Variants in NAT1 observed in about 807,000 individuals in gnomAD.
NAT1 encodes N-acetyltransferase 1.
For synonymous variants in NAT1, 144 were observed against 122.6 expected, an observed-to-expected ratio of 1.17 and a Z score of -1.16; for missense variants, 400 against 339.2, an observed-to-expected ratio of 1.18 and a Z score of -1.41.
intron 2 of NAT1, among the ~76,000 whole-genome samples, chr8:18,173,198 A>G (rs925228131): frequency 6.6e-6 from 1 of 152,010 alleles, no homozygotes; most frequent in Non-Finnish European, 1.5e-5. Context: ...TGCACAGCAC[A>G]GGATATGAGC....
intron 2 of NAT1, among the ~76,000 whole-genome samples, chr8:18,171,126 C>T (rs1159301867): frequency 1.3e-5 from 2 of 152,082 alleles, no homozygotes; most frequent in Non-Finnish European, 2.9e-5. Flanking sequence ...GAAACAGGAC[C>T]CAGTCCTACA....
chr8:18,202,724 T>C (rs1187501326), intron 2 of NAT1, among the ~76,000 whole-genome samples: 1 of 152,172 alleles, frequency 6.6e-6, no homozygotes, highest in Non-Finnish European at 1.5e-5. Flanking sequence ...CGGCAGACCC[T>C]GGCGGTGAGT....
chr8:18,188,576 T>C lies in NAT1; in HGVS notation n.92+17837T>C, dbSNP rs561033537. ...GGCATGTGGCATTTGATTATACATA[T>C]CTTTATTTTTGTGTATGTTTGAATT... On this transcript the variant is annotated intron_variant and non_coding_transcript_variant, in intron 2 of 4. Coordinates refer to the NAT1 transcript ENST00000517441. Among the ~76,000 whole-genome samples the C allele has an allele frequency of 7.4e-4, 113 of 152,276 alleles. 1 individual carries two copies. In the South Asian group the frequency reaches 0.022, roughly 30 times the overall value.
upstream of NAT1, among the ~76,000 whole-genome samples, chr8:18,207,544 T>C (rs1047806980): frequency 2.0e-5 from 3 of 152,194 alleles, no homozygotes; most frequent in African/African-American, 7.2e-5. Flanking sequence ...ATTAGAGAAA[T>C]GCAAGTCAAA....
upstream of NAT1, among the ~76,000 whole-genome samples, chr8:18,206,027 A>T (rs1484079504): frequency 1.3e-5 from 2 of 152,208 alleles, no homozygotes; most frequent in Non-Finnish European, 2.9e-5. Flanking sequence ...GCTCTGCTAC[A>T]GATGCTCCAG....
intron 2 of NAT1, among the ~76,000 whole-genome samples, chr8:18,185,193 G>C (rs1363164204): frequency 6.6e-6 from 1 of 152,124 alleles, no homozygotes; most frequent in East Asian, 1.9e-4. Context: ...GTTAGGGGAA[G>C]AGTTCTTATT....
At chr8:18,174,867 T>C (rs1004346365) in intron 2 of NAT1, among the ~76,000 whole-genome samples, 5 of 152,102 alleles carry the variant, frequency 3.3e-5, no homozygotes, top group African/African-American at 1.2e-4. Context: ...CTCATGCTTA[T>C]ATAGCACTAA....
chr8:18,177,514 T>C (rs1802336512), intron 2 of NAT1, among the ~76,000 whole-genome samples: 1 of 152,136 alleles, frequency 6.6e-6, no homozygotes, highest in Non-Finnish European at 1.5e-5. Flanking sequence ...TCATTTGGTG[T>C]CACTGTCATT....
In NAT1 at chr8:18,222,219, C is replaced by A. The variant is rs1805379443; in HGVS notation, c.172C>A (p.Gln58Lys). ...CTTAGGCTTAGAGGCCATTTTTGAT[C>A]AAGTTGTGAGAAGAAATCGGGGTGG... is the stretch of plus-strand genomic sequence containing the variant. ...MDLGLEAIFD[Q>K]VVRRNRGGWC... Residue 58 changes from glutamine to lysine, a missense_variant, in exon 3 of 3, where the codon CAA becomes AAA. Gln to Lys is a moderately conservative substitution (Grantham distance 53). Coordinates refer to ENST00000307719, the MANE Select transcript of NAT1 (RefSeq NM_000662.8). The A allele has an allele frequency of 1.2e-6, 2 of 1,614,078 alleles. No individual in the cohort carries two copies. The highest frequency in any genetic ancestry group is 1.7e-6 in the Non-Finnish European group (2 of 1,180,004).
chr8:18,175,025 G>A (rs1342918062), intron 2 of NAT1, among the ~76,000 whole-genome samples: 3 of 151,116 alleles, frequency 2.0e-5, no homozygotes, highest in Non-Finnish European at 2.9e-5. Flanking sequence ...CAATATTTCT[G>A]TATCATATTC....
intron 1 of NAT1, among the ~76,000 whole-genome samples, chr8:18,213,067 G>T: frequency 3.8e-5 from 2 of 52,346 alleles, no homozygotes; most frequent in Admixed American, 3.5e-4. Context: ...ACCACACCTC[G>T]CTTTTTTTTT....
At chr8:18,182,797 G>C (rs1390287562) in intron 2 of NAT1, among the ~76,000 whole-genome samples, 1 of 151,886 alleles carries the variant, frequency 6.6e-6, no homozygotes, top group Non-Finnish European at 1.5e-5. Context: ...ATTTAGATGG[G>C]GATTTCATTG....
rs184664646 is a variant in NAT1, at chr8:18,204,829, G to A, written n.93-4952G>A. 2.1e-3 allele frequency among the ~76,000 whole-genome samples: 316 copies of A among 152,338 alleles called. 1 individual carries two copies. Among genetic ancestry groups the A allele is most frequent in the Middle Eastern group, 0.014 (4 of 292 alleles). ...GTGAAGAATGTTATAAGACAGATAT[G>A]AGGATGTTGTTTTAACTCTTAGAAA... On this transcript the variant is annotated intron_variant and non_coding_transcript_variant, in intron 2 of 4. Coordinates refer to the NAT1 transcript ENST00000517441.
chr8:18,183,342 A>C (rs1802599273), intron 2 of NAT1, among the ~76,000 whole-genome samples: 2 of 152,154 alleles, frequency 1.3e-5, no homozygotes, highest in African/African-American at 2.4e-5. Flanking sequence ...AACCATTTTA[A>C]ACCACAGCAT....
chr8:18,193,232 C>G (rs563150528), intron 2 of NAT1, among the ~76,000 whole-genome samples: 98 of 150,050 alleles, frequency 6.5e-4, no homozygotes, highest in African/African-American at 2.3e-3. Flanking sequence ...TGTGTGCCAC[C>G]ACACCTGGCT....
intron 2 of NAT1, among the ~76,000 whole-genome samples, chr8:18,190,523 C>T (rs1233813483): frequency 6.6e-6 from 1 of 152,196 alleles, no homozygotes; most frequent in African/African-American, 2.4e-5. Flanking sequence ...AAAAACTTTC[C>T]TGAGGACTGA....
At chr8:18,182,962 T>G (rs904103132) in intron 2 of NAT1, among the ~76,000 whole-genome samples, 1 of 152,224 alleles carries the variant, frequency 6.6e-6, no homozygotes, top group Admixed American at 6.5e-5. Flanking sequence ...TACTATTTAT[T>G]TGAAGTTGTT....
chr8:18,175,764 T>G (rs1010494747), intron 2 of NAT1, among the ~76,000 whole-genome samples: 1 of 152,070 alleles, frequency 6.6e-6, no homozygotes, highest in African/African-American at 2.4e-5. Context: ...GTAATTATAT[T>G]TTTAGTTTTT....
At position 18,222,446 on chromosome 8, in the gene NAT1, G is replaced by T; in HGVS notation, c.399G>T (p.Gln133His). ...AGFGRSYQMW[Q>H]PLELISGKDQ... ...TTGGACGCTCATACCAGATGTGGCA[G>T]CCTCTGGAGTTAATTTCTGGGAAGG... Residue 133 changes from glutamine to histidine, a missense_variant, in exon 3 of 3, where the codon CAG becomes CAT. Coordinates refer to ENST00000307719, the MANE Select transcript of NAT1 (RefSeq NM_000662.8). 1 of 1,614,128 alleles carries T rather than the reference G, an allele frequency of 6.2e-7. No homozygotes were observed.
Sources: allele counts gnomAD v4.1 joint callset (sites outside exome capture counted in the v4.1 genomes callset), GRCh38; gene constraint gnomAD v4.1.1; transcripts MANE v1.5; gene names NCBI Gene and HGNC (gene_info 2026-07-23, HGNC 2026-07-21).